The following GXYLT2 variants were observed in gnomAD, a reference collection of about 807,000 sequenced individuals.
GXYLT2 encodes glucoside xylosyltransferase 2.
In GXYLT2, 53 loss-of-function variants were observed where a neutral mutation model predicts 45.8. The observed-to-expected ratio is 1.16, with a 90% CI of 0.93 to 1.46. The LOEUF is 1.46. Ranked by LOEUF, GXYLT2 falls within the 40% of genes most tolerant of loss-of-function variation. The pLI is 0.00. For missense variants in GXYLT2, 551 were observed against 544.4 expected (o/e 1.01, Z -0.12); for synonymous variants, 219 against 214.2 (o/e 1.02, Z -0.19).
intron 1 of GXYLT2, among the ~76,000 whole-genome samples, chr3:72,901,214 G>A (rs1027314020): frequency 2.0e-5 from 3 of 151,530 alleles, no homozygotes; most frequent in Non-Finnish European, 4.4e-5. Context: ...GCTTGAACCT[G>A]GAAAGCGGAG....
At chr3:72,957,176 G>T in intron 4 of GXYLT2, 53 bp from the exon 5 acceptor site, 1 of 1,560,504 alleles carries the variant, frequency 6.4e-7, no homozygotes, top group South Asian at 1.2e-5. Flanking sequence ...TTTCTCAGTG[G>T]ACAAAATGTA....
chr3:72,898,515 C>T (rs995718767), intron 1 of GXYLT2, among the ~76,000 whole-genome samples: 1 of 152,126 alleles, frequency 6.6e-6, no homozygotes, highest in African/African-American at 2.4e-5. Flanking sequence ...GTCCAGGTGC[C>T]TTCATAGAAT....
At chr3:72,949,605 G>A (rs1231882446) in intron 3 of GXYLT2, among the ~76,000 whole-genome samples, 6 of 147,196 alleles carry the variant, frequency 4.1e-5, no homozygotes, top group Admixed American at 6.9e-5. Flanking sequence ...TCCGCCTCCC[G>A]GGTTCAGGCG....
chr3:72,917,646 A>G (rs1055137751), intron 2 of GXYLT2, among the ~76,000 whole-genome samples: 1 of 151,830 alleles, frequency 6.6e-6, no homozygotes, highest in African/African-American at 2.4e-5. Context: ...GGTCCCAGCT[A>G]CTTGGGAGGC....
At position 72,896,647 on chromosome 3, in the gene GXYLT2, G is replaced by A. The variant is rs149440042; in HGVS notation, c.275+8139G>A. 6.5e-3 allele frequency among the ~76,000 whole-genome samples: 987 copies of A among 152,070 alleles called. 13 individuals are homozygous for A. Among genetic ancestry groups the A allele is most frequent in the African/African-American group, 0.023 (943 of 41,496 alleles). On this transcript the variant is annotated intron_variant, in intron 1 of 6. Coordinates refer to ENST00000389617, the MANE Select transcript of GXYLT2 (RefSeq NM_001080393.2). ...GCAGATCGCTTGAGATCAGGAGTTC[G>A]AGACCATCCTGGCCAATATGGTGAA...
intron 5 of GXYLT2, among the ~76,000 whole-genome samples, chr3:72,964,946 A>T (rs1710837237): frequency 6.6e-6 from 1 of 152,162 alleles, no homozygotes; most frequent in African/African-American, 2.4e-5. Flanking sequence ...GTTCAAAAGC[A>T]CTTTTAGATA....
chr3:72,918,351 T>C lies in GXYLT2; in HGVS notation c.469-3853T>C, dbSNP rs1238273835. ...CACTAATGACTACATTGCATTCTGT[T>C]ATATAGATAGACTCTGGAGCTTACT... On this transcript the variant is annotated intron_variant, in intron 2 of 6. Coordinates refer to ENST00000389617, the MANE Select transcript of GXYLT2 (RefSeq NM_001080393.2). Among the ~76,000 whole-genome samples the C allele has an allele frequency of 2.6e-5, 4 of 152,200 alleles. No homozygotes were observed. The East Asian group carries it at 7.7e-4, about 29-fold the overall frequency.
In GXYLT2 at chr3:72,955,082, C is replaced by G; in HGVS notation, c.601-16C>G. The G allele has an allele frequency of 6.2e-7, 1 of 1,611,952 alleles. No individual in the cohort carries two copies. The highest frequency in any genetic ancestry group is 1.1e-5 in the South Asian group (1 of 91,012). On this transcript the variant is annotated splice_polypyrimidine_tract_variant and intron_variant, in intron 3 of 6. Coordinates refer to ENST00000389617, the MANE Select transcript of GXYLT2 (RefSeq NM_001080393.2). ...TTCCCTCCTCTCCCCTTTACACCCA[C>G]TCCTTACACACAAAGGTGATTTTAA...
chr3:72,931,133 C>T (rs764274153), intron 3 of GXYLT2, among the ~76,000 whole-genome samples: 1 of 152,030 alleles, frequency 6.6e-6, no homozygotes, highest in Non-Finnish European at 1.5e-5. Context: ...TCTCTGACCA[C>T]AGTGGAATGG....
intron 1 of GXYLT2, among the ~76,000 whole-genome samples, chr3:72,906,062 G>A (rs75095551): frequency 0.02 from 2,969 of 152,172 alleles, 92 homozygotes; most frequent in Non-Finnish European, 0.023. Context: ...ATAATTTTTC[G>A]TAGTGTATTT....
chr3:72,889,909 T>TG (rs1398235256), intron 1 of GXYLT2, among the ~76,000 whole-genome samples: 10 of 74,984 alleles, frequency 1.3e-4, no homozygotes, highest in Admixed American at 1.3e-3. Context: ...TTTTTTTTGT[T>TG]TTTTTTTTTT....
intron 1 of GXYLT2, among the ~76,000 whole-genome samples, chr3:72,890,924 C>G (rs764012067): frequency 3.3e-5 from 5 of 152,276 alleles, no homozygotes; most frequent in African/African-American, 1.2e-4. Context: ...CAGGAAGTCT[C>G]AGGCTCAAAT....
In GXYLT2 at chr3:72,975,188, G is replaced by A; in HGVS notation, c.*29G>A. 4 of 1,572,576 alleles carry A rather than the reference G, an allele frequency of 2.5e-6. No homozygotes were observed. Among genetic ancestry groups the A allele is most frequent in the Non-Finnish European group, 3.5e-6 (4 of 1,147,138 alleles). ...TTTTGTCTTGTTGCAAGTCAATTAG[G>A]TGTCTTGTGACCAAGGAAATACTAA... On this transcript the variant is annotated 3_prime_UTR_variant, in exon 7 of 7. Coordinates refer to ENST00000389617, the MANE Select transcript of GXYLT2 (RefSeq NM_001080393.2).
At chr3:72,927,802 A>G (rs1709946414) in intron 3 of GXYLT2, among the ~76,000 whole-genome samples, 1 of 152,206 alleles carries the variant, frequency 6.6e-6, no homozygotes, top group Non-Finnish European at 1.5e-5. Flanking sequence ...TTAGATACCA[A>G]TTTTGTTGAA....
chr3:72,888,147 C>T lies in GXYLT2; in HGVS notation c.-87C>T, dbSNP rs1432616967. The T allele has an allele frequency of 3.3e-6, 3 of 922,008 alleles. No homozygotes were observed. Among genetic ancestry groups the T allele is most frequent in the Non-Finnish European group, 2.6e-6 (2 of 774,046 alleles). 57.1% of individuals were successfully genotyped at this position (922,008 alleles called of 1,614,324 possible). A position where few individuals can be genotyped will look rare whatever the true frequency, so the allele number is the denominator to read the frequency against. On this transcript the variant is annotated 5_prime_UTR_variant, in exon 1 of 7. Coordinates refer to ENST00000389617, the MANE Select transcript of GXYLT2 (RefSeq NM_001080393.2). Reference sequence around the variant, plus strand: ...GCGGGCGGGCGGAGGAGGCGACCGCCGCGCGCTGCTGCACTCATCCTGCCG... The same window carrying T: ...GCGGGCGGGCGGAGGAGGCGACCGCTGCGCGCTGCTGCACTCATCCTGCCG...
intron 1 of GXYLT2, among the ~76,000 whole-genome samples, chr3:72,904,457 C>T (rs1200424370): frequency 6.6e-6 from 1 of 152,128 alleles, no homozygotes; most frequent in Non-Finnish European, 1.5e-5. Flanking sequence ...TAAATCCCAA[C>T]CACTGATACT....
intron 3 of GXYLT2, among the ~76,000 whole-genome samples, chr3:72,934,407 C>A (rs1710138675): frequency 6.6e-6 from 1 of 152,010 alleles, no homozygotes; most frequent in South Asian, 2.1e-4. Context: ...TTTTTAATAG[C>A]ATAAATATAT....
intron 2 of GXYLT2, among the ~76,000 whole-genome samples, chr3:72,908,973 A>C (rs1481978480): frequency 1.4e-5 from 2 of 146,858 alleles, no homozygotes; most frequent in African/African-American, 2.5e-5. Context: ...CAGTCTACCC[A>C]CCTTGGCCTC....
At chr3:72,910,058 A>C (rs1709588798) in intron 2 of GXYLT2, among the ~76,000 whole-genome samples, 1 of 152,192 alleles carries the variant, frequency 6.6e-6, no homozygotes, top group Non-Finnish European at 1.5e-5. Flanking sequence ...AAGGATCTGA[A>C]TCAGGGGAAG....
Sources: allele counts gnomAD v4.1 joint callset (sites outside exome capture counted in the v4.1 genomes callset), GRCh38; gene constraint gnomAD v4.1.1; transcripts MANE v1.5; gene names NCBI Gene and HGNC (gene_info 2026-07-23, HGNC 2026-07-21).